PDE7A: variants seen among roughly 807,000 people sequenced by gnomAD.
The protein encoded by PDE7A is high affinity 3',5'-cyclic-AMP phosphodiesterase 7A.
A neutral mutation model predicts 64.3 loss-of-function variants in PDE7A; 39 were observed. That is an observed-to-expected ratio of 0.61 (90% CI 0.47 to 0.79). The LOEUF is 0.79. Ranked by LOEUF, PDE7A falls within the 30% of genes least tolerant of loss-of-function variation. The pLI is 0.00. For missense variants in PDE7A, 470 were observed against 582.8 expected, an observed-to-expected ratio of 0.81 and a Z score of 1.99; for synonymous variants, 203 against 206.8, an observed-to-expected ratio of 0.98 and a Z score of 0.16.
intron 5 of PDE7A, among the ~76,000 whole-genome samples, chr8:65,742,506 G>C (rs982383100): frequency 6.6e-6 from 1 of 152,152 alleles, no homozygotes; most frequent in Non-Finnish European, 1.5e-5. Context: ...CCTCTGCCTT[G>C]CTGTTCTTCC....
Position 65,841,549 on chromosome 8 carries a change from C to G in PDE7A, c.-41G>C. 1 of 1,352,556 alleles carries G rather than the reference C, an allele frequency of 7.4e-7. No homozygotes were observed. The highest frequency in any genetic ancestry group is 9.6e-7 in the Non-Finnish European group (1 of 1,043,684). The allele number at this position is 1,352,556 out of a possible 1,614,324, so 83.8% of individuals were successfully genotyped here. A position where few individuals can be genotyped will look rare whatever the true frequency, so the allele number is the denominator to read the frequency against. ...TGCCTCCGCGCGGCGCCCGCCCTGCCGCGGCCGCCGGCCCCTGCAGTGGGA... is the reference window on the plus strand; with the variant it reads ...TGCCTCCGCGCGGCGCCCGCCCTGCGGCGGCCGCCGGCCCCTGCAGTGGGA... On this transcript the variant is annotated 5_prime_UTR_variant, in exon 1 of 13. Coordinates refer to ENST00000401827, the MANE Select transcript of PDE7A (RefSeq NM_001242318.3).
intron 3 of PDE7A, among the ~76,000 whole-genome samples, chr8:65,754,303 A>C (rs1363019334): frequency 6.6e-6 from 1 of 151,998 alleles, no homozygotes; most frequent in African/African-American, 2.4e-5. Flanking sequence ...CTCAAATGTT[A>C]ATCTCTTTTG....
intron 1 of PDE7A, among the ~76,000 whole-genome samples, chr8:65,836,562 G>C (rs1039257686): frequency 6.6e-6 from 1 of 152,142 alleles, no homozygotes; most frequent in Non-Finnish European, 1.5e-5. Context: ...ACTTTATCAA[G>C]CATGCATGAA....
At chr8:65,793,798 C>A (rs118131983) in intron 1 of PDE7A, among the ~76,000 whole-genome samples, 8,670 of 152,186 alleles carry the variant, frequency 0.057, 348 homozygotes, top group Middle Eastern at 0.11. Flanking sequence ...AAGAAGTCTA[C>A]CTTTATTTTG....
At chr8:65,835,847 G>C (rs143581115) in intron 1 of PDE7A, among the ~76,000 whole-genome samples, 76 of 152,280 alleles carry the variant, frequency 5.0e-4, no homozygotes, top group Non-Finnish European at 1.0e-3. Flanking sequence ...ACATCTCCTA[G>C]ACTGAATGTG....
At chr8:65,741,556 A>T (rs191674103) in intron 5 of PDE7A, among the ~76,000 whole-genome samples, 1 of 152,362 alleles carries the variant, frequency 6.6e-6, no homozygotes, top group Non-Finnish European at 1.5e-5. Context: ...TACCTGACGT[A>T]TCACCTTCAT....
chr8:65,821,804 CAT>C (rs1039151886), intron 1 of PDE7A, among the ~76,000 whole-genome samples: 3 of 152,168 alleles, frequency 2.0e-5, no homozygotes, highest in Non-Finnish European at 4.4e-5. Context: ...ATTTTGATTA[CAT>C]GTTAAATTGA....
chr8:65,748,776 T>C (rs537395588), intron 3 of PDE7A, among the ~76,000 whole-genome samples: 83 of 152,260 alleles, frequency 5.5e-4, no homozygotes, highest in African/African-American at 1.9e-3. Flanking sequence ...GGCAATAATA[T>C]CTAATTTAAG....
chr8:65,747,948 TTATTTC>T lies in PDE7A; in HGVS notation c.284-151_284-146del, dbSNP rs547358848. ...ACATTTCCATGAAAGAAGTGATACT[TTATTTC>T]TATTTTATTTTATTTTTTTAAGTGA... On this transcript the variant is annotated intron_variant, in intron 3 of 12. Transcript: ENST00000401827. 875 of 487,638 alleles carry T rather than the reference TTATTTC, an allele frequency of 1.8e-3. 7 individuals are homozygous for T. The highest frequency in any genetic ancestry group is 0.015 in the African/African-American group (765 of 50,096). 30.2% of individuals were successfully genotyped at this position (487,638 alleles called of 1,614,324 possible).
chr8:65,738,174 CTTAAT>C (rs768477630), intron 6 of PDE7A, among the ~76,000 whole-genome samples: 10 of 152,022 alleles, frequency 6.6e-5, no homozygotes, highest in Non-Finnish European at 1.3e-4. Context: ...ATGTATACAC[CTTAAT>C]TTAAAAGACT....
chr8:65,727,740 T>A (rs1178756945), intron 7 of PDE7A: 1 of 155,130 alleles, frequency 6.4e-6, no homozygotes, highest in Non-Finnish European at 1.4e-5. Context: ...TTCAATAATG[T>A]AATCTAAGAT....
At chr8:65,753,614 G>T (rs963143184) in intron 3 of PDE7A, among the ~76,000 whole-genome samples, 2 of 151,980 alleles carry the variant, frequency 1.3e-5, no homozygotes, top group African/African-American at 2.4e-5. Context: ...GTGTTCTGCT[G>T]TTGAGTACTC....
intron 6 of PDE7A, among the ~76,000 whole-genome samples, chr8:65,737,270 T>G (rs1364828157): frequency 6.6e-6 from 1 of 152,112 alleles, no homozygotes; most frequent in African/African-American, 2.4e-5. Context: ...AAACCTGTTC[T>G]AGTGGCTTCC....
At chr8:65,735,264 C>T (rs1458829368) in intron 6 of PDE7A, among the ~76,000 whole-genome samples, 1 of 152,154 alleles carries the variant, frequency 6.6e-6, no homozygotes, top group Non-Finnish European at 1.5e-5. Context: ...CAGAATTCTG[C>T]ACTTGCTTCC....
intron 1 of PDE7A, 34 bp from the exon 2 acceptor site, chr8:65,782,877 A>C: frequency 8.4e-7 from 1 of 1,195,220 alleles, no homozygotes; most frequent in Non-Finnish European, 1.2e-6. Flanking sequence ...AATACATGAC[A>C]ATTAAATATG....
intron 1 of PDE7A, among the ~76,000 whole-genome samples, chr8:65,787,139 T>C (rs1449616586): frequency 6.6e-6 from 1 of 152,234 alleles, no homozygotes; most frequent in South Asian, 2.1e-4. Flanking sequence ...TTCCACTAAA[T>C]GATTTATTAG....
At chr8:65,827,137 A>G (rs1012825086) in intron 1 of PDE7A, among the ~76,000 whole-genome samples, 4 of 152,196 alleles carry the variant, frequency 2.6e-5, no homozygotes, top group Non-Finnish European at 5.9e-5. Context: ...CAACCCCACT[A>G]CACCATTAAA....
intron 1 of PDE7A, among the ~76,000 whole-genome samples, chr8:65,814,976 G>A (rs1341627120): frequency 3.9e-5 from 6 of 152,066 alleles, no homozygotes; most frequent in African/African-American, 1.4e-4. Context: ...AGCTACTCGG[G>A]AGGCTGAGGC....
chr8:65,779,657 C>A, intron 3 of PDE7A, 63 bp downstream of exon 3: 1 of 833,388 alleles, frequency 1.2e-6, no homozygotes, highest in Non-Finnish European at 1.9e-6. Context: ...CCTTGGAAAA[C>A]TGTGTAATTT....
Sources: allele counts gnomAD v4.1 joint callset (sites outside exome capture counted in the v4.1 genomes callset), GRCh38; gene constraint gnomAD v4.1.1; transcripts MANE v1.5; gene names NCBI Gene and HGNC (gene_info 2026-07-23, HGNC 2026-07-21).